Variants in SLC4A4 observed in about 807,000 individuals in gnomAD.
SLC4A4 encodes the protein solute carrier family 4 member 4.
In SLC4A4, 27 loss-of-function variants were observed where a neutral mutation model predicts 111.5. That is an observed-to-expected ratio of 0.24 (90% CI 0.18 to 0.33). SLC4A4 has a LOEUF of 0.33. Among genes scored for constraint, SLC4A4 ranks in the 10% least tolerant of loss-of-function variants. The probability of loss-of-function intolerance (pLI) is 1.00; values close to 1 mark genes in which losing one functional copy is unlikely to be tolerated. For missense variants in SLC4A4, 909 were observed against 1,315.5 expected, an observed-to-expected ratio of 0.69 and a Z score of 4.78; for synonymous variants, 443 against 463.4, an observed-to-expected ratio of 0.96 and a Z score of 0.57.
chr4:71,338,072 A>G (rs1212744355), intron 3 of SLC4A4, among the ~76,000 whole-genome samples: 1 of 151,970 alleles, frequency 6.6e-6, no homozygotes, highest in Non-Finnish European at 1.5e-5. Context: ...ACCTCAGGTG[A>G]TCCACCCGCC....
intron 6 of SLC4A4, among the ~76,000 whole-genome samples, chr4:71,376,838 T>C (rs1255276728): frequency 1.3e-5 from 2 of 151,790 alleles, no homozygotes; most frequent in East Asian, 3.9e-4. Context: ...GGTTTTGCCA[T>C]GTTGCCGAGG....
At chr4:71,379,784 A>G (rs1336755374) in intron 6 of SLC4A4, among the ~76,000 whole-genome samples, 2 of 152,002 alleles carry the variant, frequency 1.3e-5, no homozygotes, top group African/African-American at 4.8e-5. Context: ...ACGATGACGA[A>G]TTTCTCAAAT....
At chr4:71,310,387 T>C (rs1254947780) in intron 3 of SLC4A4, among the ~76,000 whole-genome samples, 1 of 152,120 alleles carries the variant, frequency 6.6e-6, no homozygotes, top group Non-Finnish European at 1.5e-5. Context: ...AATTGTCAGA[T>C]TCTCTAAGCT....
intron 1 of SLC4A4, among the ~76,000 whole-genome samples, chr4:71,230,915 C>A (rs1351033408): frequency 6.6e-6 from 1 of 152,036 alleles, no homozygotes; most frequent in Non-Finnish European, 1.5e-5. Flanking sequence ...TAGCTGCAAT[C>A]CTGGGTGGCA....
rs114020304 is a variant in SLC4A4 at position 71,331,943 on chromosome 4, A to G, written c.254-7427A>G. 7.3e-3 allele frequency among the ~76,000 whole-genome samples: 1,110 copies of G among 152,208 alleles called. 14 individuals are homozygous for G. Among genetic ancestry groups the G allele is most frequent in the African/African-American group, 0.024 (983 of 41,532 alleles). ...TGTCTAAGATTTGTCCATTTCTTCT[A>G]AGTTTCTCAGTTTATTGGCATATAG... On this transcript the variant is annotated intron_variant, in intron 3 of 25. Coordinates refer to ENST00000264485, the MANE Select transcript of SLC4A4 (RefSeq NM_001098484.3).
At chr4:71,148,067 A>G (rs1744226750) in intron 2 of SLC4A4, among the ~76,000 whole-genome samples, 1 of 152,182 alleles carries the variant, frequency 6.6e-6, no homozygotes, top group Non-Finnish European at 1.5e-5. Context: ...AGACTCATGG[A>G]ATCATAGAAA....
chr4:71,325,859 A>G (rs1257708232), intron 3 of SLC4A4, among the ~76,000 whole-genome samples: 1 of 151,912 alleles, frequency 6.6e-6, no homozygotes, highest in South Asian at 2.1e-4. Flanking sequence ...TTACTAACAG[A>G]TGACCACTAC....
intron 12 of SLC4A4, among the ~76,000 whole-genome samples, chr4:71,456,019 G>A (rs1726234138): frequency 1.3e-5 from 2 of 152,190 alleles, no homozygotes; most frequent in African/African-American, 4.8e-5. Flanking sequence ...CAAGAGGAAC[G>A]TAAATACTTT....
intron 2 of SLC4A4, among the ~76,000 whole-genome samples, chr4:71,168,541 T>C (rs1744846206): frequency 6.6e-6 from 1 of 152,084 alleles, no homozygotes; most frequent in African/African-American, 2.4e-5. Context: ...TGCTAGCAAA[T>C]ATCAGGTCTT....
At chr4:71,108,103 C>A (rs1338294335) in intron 2 of SLC4A4, among the ~76,000 whole-genome samples, 1 of 152,154 alleles carries the variant, frequency 6.6e-6, no homozygotes, top group South Asian at 2.1e-4. Flanking sequence ...AAAATTACAA[C>A]TTTTTACAGT....
chr4:71,537,990 A>G (rs992215567), intron 18 of SLC4A4, among the ~76,000 whole-genome samples: 3 of 152,066 alleles, frequency 2.0e-5, no homozygotes, highest in Non-Finnish European at 4.4e-5. Flanking sequence ...GATGAGCCAT[A>G]GTTTCTAAAA....
In SLC4A4 at chr4:71,235,937, G is replaced by C. The variant is rs187868922; in HGVS notation, c.-1-639G>C. The C allele has an allele frequency of 3.0e-4, 172 of 569,268 alleles. No individual in the cohort carries two copies. The African/African-American group carries it at 3.4e-3, about 11-fold the overall frequency. 35.3% of individuals were successfully genotyped at this position (569,268 alleles called of 1,614,324 possible). On this transcript the variant is annotated intron_variant, in intron 1 of 25. Coordinates refer to ENST00000264485, the MANE Select transcript of SLC4A4 (RefSeq NM_001098484.3). ...GTATCTGTGTGTATTGTCGAAGCCG[G>C]GTTGCTGGATAATCCTCAGATGTCA... is the stretch of plus-strand genomic sequence containing the variant.
chr4:71,371,205 T>A (rs1006009726), intron 6 of SLC4A4, among the ~76,000 whole-genome samples: 3 of 150,008 alleles, frequency 2.0e-5, no homozygotes, highest in Non-Finnish European at 4.4e-5. Context: ...AAATCCTACC[T>A]CCATGTTTTT....
At chr4:71,130,891 G>A (rs1187854971) in intron 2 of SLC4A4, among the ~76,000 whole-genome samples, 1 of 152,182 alleles carries the variant, frequency 6.6e-6, no homozygotes, top group Non-Finnish European at 1.5e-5. Flanking sequence ...AGCTCTCTGT[G>A]AGAGGAGGTT....
chr4:71,203,147 G>A (rs903919014), intron 1 of SLC4A4, among the ~76,000 whole-genome samples: 4 of 152,022 alleles, frequency 2.6e-5, no homozygotes, highest in African/African-American at 9.7e-5. Flanking sequence ...TATGATGAGT[G>A]GTAACAATGT....
intron 7 of SLC4A4, among the ~76,000 whole-genome samples, chr4:71,406,256 G>A (rs1387470529): frequency 6.6e-6 from 1 of 151,872 alleles, no homozygotes; most frequent in African/African-American, 2.4e-5. Context: ...CTTATATGGA[G>A]TGCTTTATTA....
At chr4:71,236,988 A>T (rs1212455178) in intron 2 of SLC4A4, among the ~76,000 whole-genome samples, 1 of 152,248 alleles carries the variant, frequency 6.6e-6, no homozygotes, top group Non-Finnish European at 1.5e-5. Context: ...TGCTCGATTT[A>T]TATAAATATA....
At chr4:71,096,348 A>C (rs895036126) in intron 2 of SLC4A4, among the ~76,000 whole-genome samples, 3 of 152,306 alleles carry the variant, frequency 2.0e-5, no homozygotes, top group Admixed American at 6.5e-5. Context: ...GAGAAGACCC[A>C]AAACAGAACA....
chr4:71,095,969 C>T (rs10012076), intron 2 of SLC4A4, among the ~76,000 whole-genome samples: 11,780 of 152,164 alleles, frequency 0.077, 501 homozygotes, highest in South Asian at 0.13. Flanking sequence ...GATTTTTACA[C>T]ATTTGAGCAA....
Sources: allele counts gnomAD v4.1 joint callset (sites outside exome capture counted in the v4.1 genomes callset), GRCh38; gene constraint gnomAD v4.1.1; transcripts MANE v1.5; gene names NCBI Gene and HGNC (gene_info 2026-07-23, HGNC 2026-07-21).